Variants in CRISP1 observed in about 807,000 individuals in gnomAD.
CRISP1 encodes cysteine-rich secretory protein 1.
Under a neutral mutation model 33.1 loss-of-function variants are expected in CRISP1, and 44 were observed. The observed-to-expected ratio is 1.33, with a 90% CI of 1.05 to 1.71. CRISP1 has a LOEUF of 1.71. Among genes scored for constraint, CRISP1 ranks in the 40% most tolerant of loss-of-function variants. The pLI, the probability that CRISP1 is intolerant of heterozygous loss-of-function variation, is 0.00. For missense variants in CRISP1, 390 were observed against 301.2 expected (o/e 1.29, Z -2.18); for synonymous variants, 103 against 98.7 (o/e 1.04, Z -0.26).
intron 1 of CRISP1, among the ~76,000 whole-genome samples, chr6:49,858,268 A>G (rs1372226040): frequency 1.3e-5 from 2 of 152,194 alleles, no homozygotes; most frequent in African/African-American, 2.4e-5. Flanking sequence ...ATAGCTAGCT[A>G]ACTCTAGGAT....
chr6:49,863,040 G>A (rs562009138), intron 1 of CRISP1, among the ~76,000 whole-genome samples: 14 of 152,152 alleles, frequency 9.2e-5, no homozygotes, highest in Admixed American at 2.0e-4. Context: ...GATAATTCCC[G>A]GACATATGGG....
chr6:49,843,190 G>A (rs540225145), intron 5 of CRISP1, among the ~76,000 whole-genome samples: 2 of 152,178 alleles, frequency 1.3e-5, no homozygotes, highest in Non-Finnish European at 2.9e-5. Context: ...GATATTTATT[G>A]TATTTTTATC....
chr6:49,847,165 T>C (rs1223620475), intron 4 of CRISP1, among the ~76,000 whole-genome samples: 2 of 152,192 alleles, frequency 1.3e-5, no homozygotes, highest in Non-Finnish European at 1.5e-5. Context: ...CTAAAAAGCA[T>C]TGGACTAAGA....
chr6:49,854,431 G>C (rs1397889698), intron 2 of CRISP1, among the ~76,000 whole-genome samples: 2 of 152,114 alleles, frequency 1.3e-5, no homozygotes, highest in African/African-American at 4.8e-5. Flanking sequence ...GCAGTAGCAC[G>C]ATCTTGGCTC....
chr6:49,875,975 C>T (rs867781751), intron 1 of CRISP1, among the ~76,000 whole-genome samples: 2 of 151,944 alleles, frequency 1.3e-5, no homozygotes, highest in Non-Finnish European at 2.9e-5. Context: ...ACCATTCTAG[C>T]CATAGGCATG....
chr6:49,861,957 A>G (rs1464924735), intron 1 of CRISP1, among the ~76,000 whole-genome samples: 1 of 152,170 alleles, frequency 6.6e-6, no homozygotes, highest in East Asian at 1.9e-4. Flanking sequence ...CACTAAATGG[A>G]GAAAAGCTGA....
chr6:49,871,008 T>C (rs9381822), upstream of CRISP1, among the ~76,000 whole-genome samples: 151,417 of 152,158 alleles, frequency 1, 75,345 homozygotes, highest in Middle Eastern at 1. Context: ...GGCTGAGGCA[T>C]GAGAATCGCT....
At chr6:49,838,631 T>A in intron 6 of CRISP1, 106 bp from the exon 7 acceptor site, 1 of 751,742 alleles carries the variant, frequency 1.3e-6, no homozygotes, top group Middle Eastern at 3.9e-4. Context: ...GTAAACATTC[T>A]TGTAAAGAAC....
intron 5 of CRISP1, 132 bp downstream of exon 5, chr6:49,846,388 T>C: frequency 1.1e-6 from 1 of 919,496 alleles, no homozygotes; most frequent in Non-Finnish European, 1.6e-6. Context: ...TTTCAAATTA[T>C]AAGAGGAACT....
chr6:49,857,014 G>GT (rs1484366097), intron 2 of CRISP1, among the ~76,000 whole-genome samples: 1 of 151,994 alleles, frequency 6.6e-6, no homozygotes, highest in African/African-American at 2.4e-5. Context: ...TGCATTCTCA[G>GT]TTTTTTTCCT....
At chr6:49,854,683 G>T (rs1262744182) in intron 2 of CRISP1, among the ~76,000 whole-genome samples, 1 of 152,132 alleles carries the variant, frequency 6.6e-6, no homozygotes, top group Non-Finnish European at 1.5e-5. Context: ...AGTTGCCCAA[G>T]TAATAGAGCC....
intron 3 of CRISP1, 82 bp downstream of exon 3, chr6:49,851,919 G>A: frequency 2.1e-6 from 3 of 1,458,166 alleles, no homozygotes; most frequent in South Asian, 1.4e-5. Flanking sequence ...TTAGCACTTT[G>A]AAAGTGCATA....
intron 3 of CRISP1, 26 bp downstream of exon 3, chr6:49,851,975 T>C (rs1398540552): frequency 6.3e-7 from 1 of 1,597,116 alleles, no homozygotes; most frequent in East Asian, 2.2e-5. Flanking sequence ...ATTGCAATCA[T>C]GGTTGTTGCT....
upstream of CRISP1, among the ~76,000 whole-genome samples, chr6:49,869,980 A>G (rs1404109283): frequency 1.3e-5 from 2 of 152,192 alleles, no homozygotes; most frequent in Non-Finnish European, 2.9e-5. Flanking sequence ...TATAAGGAAC[A>G]GGTCCCTTCT....
intron 1 of CRISP1, among the ~76,000 whole-genome samples, chr6:49,864,768 T>C (rs1771756703): frequency 6.6e-6 from 1 of 152,140 alleles, no homozygotes; most frequent in African/African-American, 2.4e-5. Flanking sequence ...CTTTTTCTTA[T>C]TCGCTTGTAT....
chr6:49,840,932 G>T lies in CRISP1; in HGVS notation c.499C>A (p.Pro167Thr), dbSNP rs370003820. The change falls in exon 6 of 8, where the codon CCT (proline) becomes ACT (threonine). Residue 167 changes from proline (P) to threonine (T), a missense_variant. Transcript: ENST00000335847. The part of the protein sequence containing the change: ...AIASCRQQGS[P>T]RYLYVCHYCH... Reference sequence around the variant, plus strand: ...TAGTGACAAACGTAGAGATATCGAGGTGATCCTTGTTGGCGGCAAGATGCA... The same window carrying T: ...TAGTGACAAACGTAGAGATATCGAGTTGATCCTTGTTGGCGGCAAGATGCA... The T allele has an allele frequency of 6.2e-7, 1 of 1,613,854 alleles. No individual in the cohort carries two copies. Among genetic ancestry groups the T allele is most frequent in the East Asian group, 2.2e-5 (1 of 44,868 alleles).
upstream of CRISP1, among the ~76,000 whole-genome samples, chr6:49,867,773 C>T (rs1468210225): frequency 6.6e-6 from 1 of 152,110 alleles, no homozygotes; most frequent in Non-Finnish European, 1.5e-5. Flanking sequence ...TCTGTAAACT[C>T]TTTCATAGAT....
At chr6:49,856,789 A>C (rs1248604731) in intron 2 of CRISP1, among the ~76,000 whole-genome samples, 1 of 152,096 alleles carries the variant, frequency 6.6e-6, no homozygotes, top group East Asian at 1.9e-4. Context: ...TATATCATTG[A>C]GTGTTCTACT....
chr6:49,838,422 T>C lies in CRISP1; in HGVS notation c.622+15A>G. 1 of 1,596,788 alleles carries C rather than the reference T, an allele frequency of 6.3e-7. No individual in the cohort carries two copies. The highest frequency in any genetic ancestry group is 8.6e-7 in the Non-Finnish European group (1 of 1,167,090). On this transcript the variant is annotated intron_variant, in intron 7 of 7. Coordinates refer to ENST00000335847, the MANE Select transcript of CRISP1 (RefSeq NM_001131.3). ...ATGGGTTAACTGTAAACAAACAGAA[T>C]GCAAACAAACTTACTGCAAAGTTTG...
Sources: gnomAD v4.1 joint callset for allele counts (sites outside exome capture counted in the v4.1 genomes callset) on GRCh38, gnomAD v4.1.1 for gene constraint, MANE v1.5 for transcripts, NCBI Gene and HGNC (gene_info 2026-07-23, HGNC 2026-07-21) for gene names.